The following ABCA9 variants were observed in gnomAD, a reference collection of about 807,000 sequenced individuals.
ABCA9 encodes the protein ATP binding cassette subfamily A member 9.
ABCA9 carries 183 observed loss-of-function variants against 205.3 expected under a neutral mutation model. The observed-to-expected ratio is 0.89, with a 90% CI of 0.79 to 1.01. The LOEUF (loss-of-function observed/expected upper bound fraction) is 1.01. Ranked by LOEUF, ABCA9 falls within the 50% of genes least tolerant of loss-of-function variation. The pLI, the probability that ABCA9 is intolerant of heterozygous loss-of-function variation, is 0.00. For synonymous variants in ABCA9, 651 were observed against 683.3 expected, an observed-to-expected ratio of 0.95 and a Z score of 0.74; for missense variants, 1,805 against 1,912.4, an observed-to-expected ratio of 0.94 and a Z score of 1.05.
chr17:69,015,670 C>T (rs1271290727), intron 22 of ABCA9, among the ~76,000 whole-genome samples: 1 of 152,152 alleles, frequency 6.6e-6, no homozygotes, highest in Non-Finnish European at 1.5e-5. Flanking sequence ...CTCGTTCCTA[C>T]AATAACTGGT....
chr17:68,988,918 A>T, intron 31 of ABCA9, 109 bp downstream of exon 31: 1 of 666,060 alleles, frequency 1.5e-6, no homozygotes, highest in Non-Finnish European at 2.6e-6. Context: ...TTCTTTATTC[A>T]ATGCATAAAT....
At chr17:69,061,037 G>A, upstream of ABCA9, 1 of 985,400 alleles carries the variant, frequency 1.0e-6, no homozygotes, top group Non-Finnish European at 1.2e-6. Context: ...TCTGGTCTCA[G>A]TTCAGCTAGC....
At chr17:68,991,614 C>T (rs1476286026) in intron 28 of ABCA9, among the ~76,000 whole-genome samples, 1 of 152,212 alleles carries the variant, frequency 6.6e-6, no homozygotes, top group Non-Finnish European at 1.5e-5. Flanking sequence ...TCTGCTACCA[C>T]AAACATTAGA....
upstream of ABCA9, chr17:69,060,928 G>A (rs994469108): frequency 7.1e-6 from 7 of 985,296 alleles, no homozygotes; most frequent in Admixed American, 3.1e-4. Flanking sequence ...TGCATGTTCT[G>A]GAGGAGAATT....
At chr17:69,022,588 GA>G (rs2070855265) in intron 17 of ABCA9, 1 of 152,222 alleles carries the variant, frequency 6.6e-6, no homozygotes, top group East Asian at 1.9e-4. Context: ...AGCTTGTCTT[GA>G]ACTCCTGACC....
intron 6 of ABCA9, among the ~76,000 whole-genome samples, chr17:69,038,915 C>T (rs779757989): frequency 6.6e-6 from 1 of 152,100 alleles, no homozygotes; most frequent in East Asian, 1.9e-4. Flanking sequence ...CATTCCTATA[C>T]ACCAATAATA....
At chr17:69,015,504 T>C (rs1486160912) in intron 22 of ABCA9, among the ~76,000 whole-genome samples, 1 of 152,142 alleles carries the variant, frequency 6.6e-6, no homozygotes, top group Non-Finnish European at 1.5e-5. Flanking sequence ...ACTGCCTTAG[T>C]TCTCATTCAG....
rs374822675 is a variant in ABCA9 at position 69,015,882 on chromosome 17, A to AAAGTC, written c.3039+366_3039+370dup. Among the ~76,000 whole-genome samples, 1,029 of 152,028 alleles carry AAAGTC rather than the reference A, an allele frequency of 6.8e-3. 3 individuals are homozygous for AAAGTC. The highest frequency in any genetic ancestry group is 0.01 in the Non-Finnish European group (682 of 67,956). On this transcript the variant is annotated intron_variant, in intron 22 of 38. Coordinates refer to ENST00000340001, the MANE Select transcript of ABCA9 (RefSeq NM_080283.4). ...CACAGATGGTGACAGATCTAGACCA[A>AAAGTC]AAGTCATAATGAGTTGTATTTTTCT...
chr17:69,024,322 T>G lies in ABCA9; in HGVS notation c.2173A>C (p.Ser725Arg), dbSNP rs748438160. 7.5e-6 allele frequency: 12 copies of G among 1,606,816 alleles called. No individual in the cohort carries two copies. Among genetic ancestry groups the G allele is most frequent in the Non-Finnish European group, 1.0e-5 (12 of 1,177,108 alleles). ...TGCTGCTTAACCAGTGATGTTATAC[T>G]CTCTGGATCACACCTTTCATTCAGA... The part of the protein sequence containing the change: ...LHLNERCDPE[S>R]ITSLVKQHIS... Residue 725 changes from serine to arginine, a missense_variant, in exon 17 of 39, where the codon AGT (serine) becomes CGT (arginine). Coordinates refer to ENST00000340001, the MANE Select transcript of ABCA9 (RefSeq NM_080283.4).
At chr17:69,074,540 C>T in the ABCA9 span, among the ~76,000 whole-genome samples, 3 of 152,288 alleles carry the variant, frequency 2.0e-5, no homozygotes, top group African/African-American at 7.2e-5. Flanking sequence ...AGAATAATGG[C>T]TTCTAGCTGT....
chr17:69,008,608 T>G (rs1233225401), intron 23 of ABCA9, among the ~76,000 whole-genome samples: 1 of 152,240 alleles, frequency 6.6e-6, no homozygotes, highest in African/African-American at 2.4e-5. Flanking sequence ...TGTAAGACAC[T>G]TAAAATTTAT....
chr17:69,008,022 AAT>A, intron 24 of ABCA9, 38 bp downstream of exon 24: 2 of 1,543,834 alleles, frequency 1.3e-6, no homozygotes, highest in Non-Finnish European at 1.8e-6. Context: ...TTCATGAAAA[AAT>A]AGTCTAATAA....
At chr17:69,006,084 GTCTTTTCT>G (rs1395236368) in intron 25 of ABCA9, among the ~76,000 whole-genome samples, 1 of 152,072 alleles carries the variant, frequency 6.6e-6, no homozygotes, top group African/African-American at 2.4e-5. Flanking sequence ...GGAAGTCATT[GTCTTTTCT>G]TCTTATTTTC....
At chr17:69,074,104 A>G in the ABCA9 span, among the ~76,000 whole-genome samples, 4 of 152,162 alleles carry the variant, frequency 2.6e-5, no homozygotes, top group African/African-American at 9.6e-5. Context: ...AGATGTTTTT[A>G]TAGAAGGACA....
chr17:69,049,450 A>T lies in ABCA9; in HGVS notation c.137T>A (p.Leu46Gln). The change falls in exon 3 of 39, where the codon CTA becomes CAA. Residue 46 changes from leucine (L) to glutamine (Q), a missense_variant. Leu to Gln is a moderately radical substitution (Grantham distance 113, BLOSUM62 -2). Transcript: ENST00000340001. ...AACTTGATGTAAATTGGAGAAAAAT[A>T]GGTACAGAAACAGTACCAGAAGAAA... ...FSFLLVLFLY[L>Q]FFSNLHQVHD... is the part of the protein sequence containing the mutation. 1 of 1,613,106 alleles carries T rather than the reference A, an allele frequency of 6.2e-7. No individual in the cohort carries two copies. Among genetic ancestry groups the T allele is most frequent in the Non-Finnish European group, 8.5e-7 (1 of 1,179,382 alleles).
In ABCA9 at chr17:69,043,711, G is replaced by T. The variant is rs1286211968; in HGVS notation, c.578C>A (p.Ala193Glu). ...AAINAAIIEI[A>E]TNHSVMEQLM... ...CTGTTCCATCACTGAATGATTTGTT[G>T]CGATCTGAAGAAAGATATCAATGAA... is the stretch of plus-strand genomic sequence containing the variant. The change falls in exon 6 of 39, where the codon GCA becomes GAA. Residue 193 changes from alanine (A) to glutamate (E), a missense_variant. Transcript: ENST00000340001. The T allele has an allele frequency of 1.9e-6, 3 of 1,588,604 alleles. No homozygotes were observed. The highest frequency in any genetic ancestry group is 2.6e-6 in the Non-Finnish European group (3 of 1,170,514).
At chr17:69,070,137 G>A in the ABCA9 span, among the ~76,000 whole-genome samples, 2 of 151,846 alleles carry the variant, frequency 1.3e-5, no homozygotes, top group African/African-American at 4.8e-5. Context: ...ATTTATCACA[G>A]GTTTGGAAAT....
chr17:68,987,599 G>A lies in ABCA9; in HGVS notation c.4048-1275C>T, dbSNP rs76611224. The stretch of plus-strand genomic sequence containing the variant: ...AGATCAAACCCAAAGATCCCACAGC[G>A]AGAAGGTGCCTCAAGGCCAATGTGA... On this transcript the variant is annotated intron_variant, in intron 31 of 38. Coordinates refer to ENST00000340001, the MANE Select transcript of ABCA9 (RefSeq NM_080283.4). Among the ~76,000 whole-genome samples, 575 of 152,282 alleles carry A rather than the reference G, an allele frequency of 3.8e-3. 4 individuals are homozygous for A. The highest frequency in any genetic ancestry group is 0.013 in the African/African-American group (552 of 41,558).
chr17:69,075,590 C>T, the ABCA9 span, among the ~76,000 whole-genome samples: 1 of 152,042 alleles, frequency 6.6e-6, no homozygotes, highest in Non-Finnish European at 1.5e-5. Flanking sequence ...TATTCTGTTC[C>T]ATTGGTCTAT....
Sources: allele counts gnomAD v4.1 joint callset (sites outside exome capture counted in the v4.1 genomes callset), GRCh38; gene constraint gnomAD v4.1.1; transcripts MANE v1.5; gene names NCBI Gene and HGNC (gene_info 2026-07-23, HGNC 2026-07-21).